SLC26A8: variants seen among roughly 807,000 people sequenced by gnomAD.
SLC26A8 encodes solute carrier family 26 member 8, also known as testis anion transporter 1.
SLC26A8 carries 70 observed loss-of-function variants against 105.0 expected under a neutral mutation model. The ratio of observed to expected loss-of-function variants is 0.67; its 90% CI spans 0.55 to 0.81. The LOEUF is 0.81. Among genes scored for constraint, SLC26A8 ranks in the 40% least tolerant of loss-of-function variants. The pLI, the probability that SLC26A8 is intolerant of heterozygous loss-of-function variation, is 0.00. For synonymous variants in SLC26A8, 415 were observed against 438.3 expected (o/e 0.95, Z 0.66); for missense variants, 998 against 1,181.8 (o/e 0.84, Z 2.28).
chr6:35,960,756 G>A, intron 14 of SLC26A8, 87 bp downstream of exon 14: 1 of 1,284,428 alleles, frequency 7.8e-7, no homozygotes, highest in East Asian at 2.3e-5. Context: ...AGGAAACAAT[G>A]GCAAGGGATT....
At position 36,001,417 on chromosome 6, in the gene SLC26A8, C is replaced by T. The variant is rs58528443; in HGVS notation, c.329-1309G>A. 9.2e-3 allele frequency among the ~76,000 whole-genome samples: 1,406 copies of T among 152,326 alleles called. 16 individuals carry two copies. Among genetic ancestry groups the T allele is most frequent in the African/African-American group, 0.032 (1,329 of 41,578 alleles). The stretch of plus-strand genomic sequence containing the variant: ...TGCTGGGATTACAGGCGTGAGCCAC[C>T]GCGCCCAGCCAGGCCAATTGTCTTC... On this transcript the variant is annotated intron_variant, in intron 3 of 19. Transcript: ENST00000490799.
At position 35,968,772 on chromosome 6, in the gene SLC26A8, G is replaced by GGCCCCC; in HGVS notation, c.1365+104_1365+105insGGGGGC. 3.9e-5 allele frequency: 4 copies of GGCCCCC among 103,686 alleles called. 1 individual carries two copies. In the South Asian group the frequency reaches 9.0e-4, roughly 23 times the overall value. The allele number at this position is 103,686 out of a possible 1,614,324, so 6.4% of individuals were successfully genotyped here. A position where few individuals can be genotyped will look rare whatever the true frequency, so the allele number is the denominator to read the frequency against. On this transcript the variant is annotated intron_variant, in intron 11 of 19. Transcript: ENST00000490799. ...TCCGAATGCAATTCTCCTCGGAGAT[G>GGCCCCC]CCCGCCCCCCCGCCCCCAGCCCCTT...
intron 3 of SLC26A8, among the ~76,000 whole-genome samples, chr6:36,008,520 T>G (rs993066210): frequency 6.6e-6 from 1 of 152,080 alleles, no homozygotes; most frequent in Non-Finnish European, 1.5e-5. Context: ...ATGGCTAAAA[T>G]AAAAGATACT....
chr6:35,991,897 A>G (rs978557231), intron 6 of SLC26A8, 89 bp from the exon 7 acceptor site: 43 of 1,281,848 alleles, frequency 3.4e-5, no homozygotes, highest in Non-Finnish European at 4.2e-5. Context: ...ACCCAAAAAG[A>G]AGTCCCCAAG....
At chr6:36,011,285 T>C (rs1761849855) in intron 3 of SLC26A8, among the ~76,000 whole-genome samples, 1 of 152,222 alleles carries the variant, frequency 6.6e-6, no homozygotes, top group Non-Finnish European at 1.5e-5. Flanking sequence ...ACCCAAATAG[T>C]ATATTCCATC....
At chr6:36,002,415 T>C (rs988070766) in intron 3 of SLC26A8, among the ~76,000 whole-genome samples, 2 of 152,188 alleles carry the variant, frequency 1.3e-5, no homozygotes, top group African/African-American at 4.8e-5. Context: ...TTCTGGGGCA[T>C]TTACTAAATA....
In SLC26A8 at chr6:35,991,694, G is replaced by A; in HGVS notation, c.907C>T (p.Gln303Ter). 1 of 1,604,178 alleles carries A rather than the reference G, an allele frequency of 6.2e-7. No homozygotes were observed. The highest frequency in any genetic ancestry group is 8.5e-7 in the Non-Finnish European group (1 of 1,176,670). Residue 303 changes from glutamine to a stop codon, truncating the protein, a stop_gained, in exon 7 of 20, where the codon CAG becomes TAG. Coordinates refer to ENST00000490799, the MANE Select transcript of SLC26A8 (RefSeq NM_052961.4). LOFTEE classifies it high-confidence loss of function. The part of the protein sequence containing the change: ...INKCIRISFN[Q>*]YPIEFPMELF... Reference sequence around the variant, plus strand: ...TCCATGGGAAACTCAATGGGATACTGATTGAAAGAAATTCTGATACATTTG... The same window carrying A: ...TCCATGGGAAACTCAATGGGATACTAATTGAAAGAAATTCTGATACATTTG...
In SLC26A8 at chr6:35,997,633, G is replaced by C; in HGVS notation, c.627+105C>G. On this transcript the variant is annotated intron_variant, in intron 5 of 19. Transcript: ENST00000490799. ...ATTTTTCAAAAAATAAATCACTGAA[G>C]TTCCAGGTATATCACAGTGGATCAC... 13 of 1,152,652 alleles carry C rather than the reference G, an allele frequency of 1.1e-5. 1 individual carries two copies. Among genetic ancestry groups the C allele is most frequent in the Middle Eastern group, 5.8e-4 (2 of 3,444 alleles). 71.4% of individuals were successfully genotyped at this position (1,152,652 alleles called of 1,614,324 possible).
chr6:35,958,985 C>T (rs751547820), intron 16 of SLC26A8, among the ~76,000 whole-genome samples: 16 of 152,174 alleles, frequency 1.1e-4, no homozygotes, highest in Non-Finnish European at 2.1e-4. Flanking sequence ...CTCCTTTCCC[C>T]CATCTCCCAT....
intron 7 of SLC26A8, among the ~76,000 whole-genome samples, chr6:35,991,401 CAA>C (rs10717911): frequency 0.028 from 2,860 of 100,414 alleles, 74 homozygotes; most frequent in African/African-American, 0.097. Context: ...AAGACTCTGT[CAA>C]AAAAAAAAAA....
At chr6:36,023,108 C>G (rs1762165776) in intron 1 of SLC26A8, among the ~76,000 whole-genome samples, 1 of 151,462 alleles carries the variant, frequency 6.6e-6, no homozygotes. Flanking sequence ...ATTTGGGGGC[C>G]CTGTTAAAAT....
intron 2 of SLC26A8, among the ~76,000 whole-genome samples, chr6:36,015,517 T>C (rs1761972029): frequency 1.3e-5 from 2 of 152,122 alleles, no homozygotes; most frequent in South Asian, 4.1e-4. Flanking sequence ...CTAGAAAGCT[T>C]ATGGGAGGCA....
At chr6:35,999,057 A>G (rs6915364) in intron 4 of SLC26A8, among the ~76,000 whole-genome samples, 111,121 of 151,794 alleles carry the variant, frequency 0.73, 41,388 homozygotes, top group African/African-American at 0.85. Context: ...ACCACGCCTA[A>G]CTAATTTTTT....
chr6:35,975,861 C>T (rs1772993775), intron 9 of SLC26A8, among the ~76,000 whole-genome samples: 2 of 141,638 alleles, frequency 1.4e-5, no homozygotes, highest in Admixed American at 7.5e-5. Context: ...TGTGGTGAGC[C>T]GAGATTGCAC....
At chr6:35,993,190 G>T (rs202177260) in intron 5 of SLC26A8, among the ~76,000 whole-genome samples, 97 of 45,210 alleles carry the variant, frequency 2.1e-3, no homozygotes, top group Non-Finnish European at 3.7e-3. Flanking sequence ...AGAGATTGGA[G>T]GGGGGGGTCT....
chr6:35,994,739 C>G (rs944295318), intron 5 of SLC26A8, among the ~76,000 whole-genome samples: 2 of 152,092 alleles, frequency 1.3e-5, no homozygotes, highest in African/African-American at 4.8e-5. Flanking sequence ...CCACGCCTGG[C>G]TAATTTTTGT....
At chr6:36,011,949 G>A (rs1286124453) in intron 3 of SLC26A8, among the ~76,000 whole-genome samples, 1 of 152,088 alleles carries the variant, frequency 6.6e-6, no homozygotes, top group African/African-American at 2.4e-5. Context: ...CAAGTGAGAT[G>A]TATTATAGCC....
chr6:36,012,219 C>T lies in SLC26A8; in HGVS notation c.328+14G>A. ...ACATTGTCTTTGGATGAACAGGCTT[C>T]ATATCTTCCTTACCTTGGGGAACTT... On this transcript the variant is annotated intron_variant, in intron 3 of 19. Coordinates refer to ENST00000490799, the MANE Select transcript of SLC26A8 (RefSeq NM_052961.4). 1.2e-6 allele frequency: 2 copies of T among 1,610,328 alleles called. No homozygotes were observed. The highest frequency in any genetic ancestry group is 1.7e-6 in the Non-Finnish European group (2 of 1,178,898).
intron 11 of SLC26A8, among the ~76,000 whole-genome samples, chr6:35,967,951 G>A (rs1772584764): frequency 6.6e-6 from 1 of 152,000 alleles, no homozygotes; most frequent in Admixed American, 6.6e-5. Context: ...AGGTTCAAGC[G>A]ATTCTCCTGC....
Sources: gnomAD v4.1 joint callset for allele counts (sites outside exome capture counted in the v4.1 genomes callset) on GRCh38, gnomAD v4.1.1 for gene constraint, MANE v1.5 for transcripts, NCBI Gene and HGNC (gene_info 2026-07-23, HGNC 2026-07-21) for gene names.